Variants in ZBTB20 observed in about 807,000 individuals in gnomAD.
ZBTB20 encodes the protein zinc finger and BTB domain-containing protein 20.
In ZBTB20, 9 loss-of-function variants were observed where a neutral mutation model predicts 56.9. The observed-to-expected ratio is 0.16, with a 90% CI of 0.10 to 0.28. ZBTB20 has a LOEUF of 0.28. Among genes scored for constraint, ZBTB20 ranks in the 10% least tolerant of loss-of-function variants. ZBTB20 has a pLI of 1.00. For missense variants in ZBTB20, 655 were observed against 1,003.0 expected, an observed-to-expected ratio of 0.65 and a Z score of 4.69; for synonymous variants, 417 against 420.7, an observed-to-expected ratio of 0.99 and a Z score of 0.11.
intron 7 of ZBTB20, among the ~76,000 whole-genome samples, chr3:114,429,580 A>G (rs1339598662): frequency 2.0e-5 from 3 of 152,148 alleles, no homozygotes; most frequent in Non-Finnish European, 4.4e-5. Flanking sequence ...ATGGGGATGA[A>G]ACTAAGAATA....
intron 6 of ZBTB20, among the ~76,000 whole-genome samples, chr3:114,555,652 T>G (rs922547582): frequency 1.3e-5 from 2 of 152,118 alleles, no homozygotes. Flanking sequence ...ATCACAACTG[T>G]CAGTGCCCCT....
chr3:114,780,146 T>G (rs2069969841), intron 5 of ZBTB20, among the ~76,000 whole-genome samples: 3 of 152,174 alleles, frequency 2.0e-5, no homozygotes, highest in African/African-American at 7.2e-5. Context: ...ATTGCATAAT[T>G]TTTTTCTTAA....
chr3:114,525,803 A>G (rs759787553), intron 6 of ZBTB20, among the ~76,000 whole-genome samples: 7 of 152,178 alleles, frequency 4.6e-5, no homozygotes, highest in Non-Finnish European at 7.4e-5. Context: ...ATCTTCCTCA[A>G]CAAACATTTT....
chr3:114,513,978 GTATGTATGTGTT>G (rs1424661237), intron 6 of ZBTB20, among the ~76,000 whole-genome samples: 1 of 151,772 alleles, frequency 6.6e-6, no homozygotes, highest in African/African-American at 2.4e-5. Context: ...ATGTATGTAT[GTATGTATGTGTT>G]TATGTATGTG....
At chr3:114,444,056 G>C (rs1433366274) in intron 7 of ZBTB20, among the ~76,000 whole-genome samples, 1 of 152,110 alleles carries the variant, frequency 6.6e-6, no homozygotes, top group Non-Finnish European at 1.5e-5. Context: ...GAACATGGAT[G>C]GGAAAATGTG....
chr3:114,751,211 T>G (rs2067534376), intron 5 of ZBTB20, among the ~76,000 whole-genome samples: 1 of 152,174 alleles, frequency 6.6e-6, no homozygotes, highest in South Asian at 2.1e-4. Flanking sequence ...TTATTATTGT[T>G]GTGGTTATTT....
chr3:114,629,182 C>T (rs1446496913), intron 6 of ZBTB20, among the ~76,000 whole-genome samples: 1 of 152,132 alleles, frequency 6.6e-6, no homozygotes, highest in Non-Finnish European at 1.5e-5. Flanking sequence ...TATATCACCT[C>T]AGGCCAGTTC....
chr3:114,562,200 G>T (rs541882819), intron 6 of ZBTB20, among the ~76,000 whole-genome samples: 10 of 150,640 alleles, frequency 6.6e-5, no homozygotes, highest in Non-Finnish European at 5.9e-5. Context: ...TTTTGAGACG[G>T]TGTCACTAGG....
chr3:114,607,530 C>T (rs367564807), intron 6 of ZBTB20, among the ~76,000 whole-genome samples: 29 of 151,824 alleles, frequency 1.9e-4, no homozygotes, highest in African/African-American at 5.6e-4. Flanking sequence ...CTCGAACTCC[C>T]GACCTCAGGT....
chr3:114,895,352 G>A (rs1165968856), intron 4 of ZBTB20, among the ~76,000 whole-genome samples: 1 of 152,162 alleles, frequency 6.6e-6, no homozygotes, highest in South Asian at 2.1e-4. Context: ...TTCATCCTTT[G>A]CAAGAGACTG....
chr3:115,018,994 A>G (rs938149760), intron 2 of ZBTB20, among the ~76,000 whole-genome samples: 4 of 151,276 alleles, frequency 2.6e-5, no homozygotes, highest in Admixed American at 6.6e-5. Context: ...GACAATTTTA[A>G]TACAGTGTTA....
At chr3:114,710,393 A>G (rs1242091515) in intron 5 of ZBTB20, 1 of 152,182 alleles carries the variant, frequency 6.6e-6, no homozygotes, top group Non-Finnish European at 1.5e-5. Flanking sequence ...CTCCTGTCTC[A>G]TGTATCCAAC....
chr3:114,367,116 G>C (rs2082489482), intron 10 of ZBTB20: 1 of 152,278 alleles, frequency 6.6e-6, no homozygotes, highest in African/African-American at 2.4e-5. Context: ...CCCTCTTCGG[G>C]TATCCCGGCT....
At chr3:114,791,369 T>A (rs1381045736) in intron 5 of ZBTB20, among the ~76,000 whole-genome samples, 1 of 152,180 alleles carries the variant, frequency 6.6e-6, no homozygotes, top group Non-Finnish European at 1.5e-5. Context: ...TGTTTTTCTA[T>A]CTTCTAAAAG....
At chr3:114,588,511 C>T (rs1017190279) in intron 6 of ZBTB20, among the ~76,000 whole-genome samples, 2 of 152,138 alleles carry the variant, frequency 1.3e-5, no homozygotes, top group African/African-American at 4.8e-5. Flanking sequence ...GAGTGGGTCA[C>T]AAGAGTGGTT....
At chr3:114,406,972 C>T (rs1185831252) in intron 7 of ZBTB20, among the ~76,000 whole-genome samples, 1 of 152,074 alleles carries the variant, frequency 6.6e-6, no homozygotes, top group Non-Finnish European at 1.5e-5. Flanking sequence ...GATACAGGGT[C>T]ATCCTTGTGA....
At chr3:114,359,868 C>T (rs1238205575) in intron 10 of ZBTB20, among the ~76,000 whole-genome samples, 2 of 152,156 alleles carry the variant, frequency 1.3e-5, no homozygotes, top group Non-Finnish European at 2.9e-5. Flanking sequence ...CCAGCATCTT[C>T]TTACTTGATA....
intron 5 of ZBTB20, among the ~76,000 whole-genome samples, chr3:114,762,629 T>C (rs1223513247): frequency 1.3e-5 from 2 of 152,180 alleles, no homozygotes; most frequent in African/African-American, 4.8e-5. Context: ...TCTATGGATA[T>C]TGGCTGAGAT....
intron 4 of ZBTB20, among the ~76,000 whole-genome samples, chr3:114,834,834 C>A (rs1328883001): frequency 6.6e-6 from 1 of 151,958 alleles, no homozygotes; most frequent in Non-Finnish European, 1.5e-5. Context: ...GAAAAGAAAG[C>A]CTGGATTTTT....
Sources: gnomAD v4.1 joint callset for allele counts (sites outside exome capture counted in the v4.1 genomes callset) on GRCh38, gnomAD v4.1.1 for gene constraint, MANE v1.5 for transcripts, NCBI Gene and HGNC (gene_info 2026-07-23, HGNC 2026-07-21) for gene names.